Variants in CDH12 observed in about 807,000 individuals in gnomAD.
The protein encoded by CDH12 is cadherin 12.
Under a neutral mutation model 74.1 loss-of-function variants are expected in CDH12, and 41 were observed. That is an observed-to-expected ratio of 0.55 (90% CI 0.43 to 0.72). The LOEUF is 0.72. CDH12 is among the 30% of genes least tolerant of loss of function. The pLI is 0.00. For synonymous variants in CDH12, 399 were observed against 355.0 expected, an observed-to-expected ratio of 1.12 and a Z score of -1.39; for missense variants, 945 against 977.2, an observed-to-expected ratio of 0.97 and a Z score of 0.44.
At chr5:22,669,919 T>C (rs952575690) in intron 1 of CDH12, among the ~76,000 whole-genome samples, 3 of 152,214 alleles carry the variant, frequency 2.0e-5, no homozygotes, top group African/African-American at 2.4e-5. Context: ...GAGTAGACTG[T>C]ACATTATAAA....
At chr5:21,918,961 T>G (rs1754230953) in intron 6 of CDH12, among the ~76,000 whole-genome samples, 1 of 152,170 alleles carries the variant, frequency 6.6e-6, no homozygotes, top group Non-Finnish European at 1.5e-5. Flanking sequence ...CAGAGACACA[T>G]CTAAATTAGA....
At chr5:22,270,442 A>G (rs1173614549) in intron 3 of CDH12, among the ~76,000 whole-genome samples, 1 of 151,772 alleles carries the variant, frequency 6.6e-6, no homozygotes, top group Admixed American at 6.6e-5. Flanking sequence ...AAAAATACAA[A>G]AAATTAGCCA....
At position 21,868,099 on chromosome 5, in the gene CDH12, C is replaced by T. The variant is rs189873056; in HGVS notation, c.527-13309G>A. 4.3e-4 allele frequency among the ~76,000 whole-genome samples: 66 copies of T among 152,130 alleles called. 1 individual carries two copies. The East Asian group carries it at 7.8e-3, about 18-fold the overall frequency. On this transcript the variant is annotated intron_variant, in intron 6 of 14. Coordinates refer to ENST00000382254, the MANE Select transcript of CDH12 (RefSeq NM_004061.5). Reference sequence around the variant, plus strand: ...CTGCCATGGGAGACATGCCTTTCACCGTCCACCATGATTGTGAGGCCTCCC... The same window carrying T: ...CTGCCATGGGAGACATGCCTTTCACTGTCCACCATGATTGTGAGGCCTCCC...
chr5:22,030,187 C>G (rs1738717212), intron 5 of CDH12, among the ~76,000 whole-genome samples: 2 of 151,800 alleles, frequency 1.3e-5, no homozygotes, highest in African/African-American at 2.4e-5. Context: ...ATGGGTGCAA[C>G]ACACCAGCAT....
In CDH12 at chr5:22,453,426, T is replaced by C. The variant is rs559261461; in HGVS notation, c.-427-48075A>G. ...GCTATAAAATAGAATGAAATTCTAT[T>C]GTTTGTGTCAACATAGATGAATGTA... On this transcript the variant is annotated intron_variant, in intron 2 of 14. Transcript: ENST00000382254. Among the ~76,000 whole-genome samples, 3 of 152,278 alleles carry C rather than the reference T, an allele frequency of 2.0e-5. 1 individual carries two copies. The South Asian group carries it at 6.2e-4, about 32-fold the overall frequency.
intron 5 of CDH12, among the ~76,000 whole-genome samples, chr5:21,980,510 C>T (rs953555875): frequency 6.6e-6 from 1 of 152,030 alleles, no homozygotes; most frequent in African/African-American, 2.4e-5. Context: ...TTTAAAATGA[C>T]TTCTGATTTG....
At chr5:22,751,461 T>A (rs1234043466) in intron 1 of CDH12, among the ~76,000 whole-genome samples, 1 of 151,668 alleles carries the variant, frequency 6.6e-6, no homozygotes, top group East Asian at 1.9e-4. Flanking sequence ...ATTTCCATGA[T>A]AATTTTTTAT....
At chr5:22,421,290 C>T (rs557087282) in intron 2 of CDH12, among the ~76,000 whole-genome samples, 34 of 152,240 alleles carry the variant, frequency 2.2e-4, no homozygotes, top group African/African-American at 8.2e-4. Context: ...CTGCACCCAT[C>T]AATCTGTCAT....
chr5:22,113,924 A>G (rs6452053), intron 4 of CDH12, among the ~76,000 whole-genome samples: 72,612 of 151,952 alleles, frequency 0.48, 17,590 homozygotes, highest in Middle Eastern at 0.52. Context: ...ACTTCAGCCA[A>G]TCAGAAGCAG....
chr5:22,487,778 A>G (rs1746672890), intron 2 of CDH12, among the ~76,000 whole-genome samples: 1 of 152,328 alleles, frequency 6.6e-6, no homozygotes, highest in African/African-American at 2.4e-5. Context: ...TTTAATGTGC[A>G]TACCCATATC....
At chr5:21,816,650 A>AAAAAAAAAAAAAAAAAAT (rs1561209134) in intron 9 of CDH12, among the ~76,000 whole-genome samples, 1 of 145,552 alleles carries the variant, frequency 6.9e-6, no homozygotes, top group Non-Finnish European at 1.5e-5. Flanking sequence ...AAAAAAAAAA[A>AAAAAAAAAAAAAAAAAAT]AAAGAATAGA....
At chr5:22,466,105 T>A (rs566057140) in intron 2 of CDH12, among the ~76,000 whole-genome samples, 1 of 152,184 alleles carries the variant, frequency 6.6e-6, no homozygotes, top group African/African-American at 2.4e-5. Flanking sequence ...TCTTACTTTT[T>A]CTCTAACCTG....
intron 6 of CDH12, among the ~76,000 whole-genome samples, chr5:21,928,182 C>A (rs1754678066): frequency 1.3e-5 from 2 of 151,994 alleles, no homozygotes; most frequent in African/African-American, 2.4e-5. Context: ...GATATTGAAA[C>A]CACCAAGAAT....
intron 3 of CDH12, among the ~76,000 whole-genome samples, chr5:22,326,105 G>C (rs1181455919): frequency 6.6e-6 from 1 of 152,172 alleles, no homozygotes; most frequent in South Asian, 2.1e-4. Context: ...ACTAAGTGCA[G>C]TTAAGAATAG....
chr5:22,097,324 C>T (rs1169794799), intron 4 of CDH12, among the ~76,000 whole-genome samples: 1 of 152,210 alleles, frequency 6.6e-6, no homozygotes, highest in Non-Finnish European at 1.5e-5. Context: ...AAGACTGACA[C>T]TGCCCGATCG....
chr5:22,051,727 T>C (rs191899107), intron 5 of CDH12, among the ~76,000 whole-genome samples: 1 of 152,232 alleles, frequency 6.6e-6, no homozygotes, highest in East Asian at 1.9e-4. Flanking sequence ...CCCTGATCTT[T>C]AATTTTCATT....
At chr5:22,265,210 G>A (rs1209453934) in intron 3 of CDH12, among the ~76,000 whole-genome samples, 1 of 152,110 alleles carries the variant, frequency 6.6e-6, no homozygotes, top group Non-Finnish European at 1.5e-5. Flanking sequence ...CAATCAGCAG[G>A]AGGTTAGAAT....
intron 3 of CDH12, among the ~76,000 whole-genome samples, chr5:22,239,816 G>A (rs1301709440): frequency 1.3e-5 from 2 of 152,094 alleles, no homozygotes; most frequent in Non-Finnish European, 1.5e-5. Flanking sequence ...GATAAACAGA[G>A]TAACAGAAAA....
intron 3 of CDH12, among the ~76,000 whole-genome samples, chr5:22,224,716 G>A (rs770963926): frequency 4.5e-4 from 68 of 151,776 alleles, no homozygotes; most frequent in African/African-American, 1.4e-3. Flanking sequence ...GTCAGTTGTC[G>A]GCAATATCAA....
Sources: gnomAD v4.1 joint callset for allele counts (sites outside exome capture counted in the v4.1 genomes callset) on GRCh38, gnomAD v4.1.1 for gene constraint, MANE v1.5 for transcripts, NCBI Gene and HGNC (gene_info 2026-07-23, HGNC 2026-07-21) for gene names.